CCDC60: variants seen among roughly 807,000 people sequenced by gnomAD.
The protein encoded by CCDC60 is coiled-coil domain containing 60.
Under a neutral mutation model 63.5 loss-of-function variants are expected in CCDC60, and 54 were observed. The observed-to-expected ratio is 0.85, with a 90% CI of 0.68 to 1.07. CCDC60 has a LOEUF of 1.07. Among genes scored for constraint, CCDC60 ranks in the 50% least tolerant of loss-of-function variants. The probability of loss-of-function intolerance (pLI) is 0.00; values close to 1 mark genes in which losing one functional copy is unlikely to be tolerated. For missense variants in CCDC60, 651 were observed against 684.3 expected, an observed-to-expected ratio of 0.95 and a Z score of 0.54; for synonymous variants, 206 against 238.8, an observed-to-expected ratio of 0.86 and a Z score of 1.27.
At chr12:119,405,542 A>G (rs1278478038) in intron 1 of CCDC60, among the ~76,000 whole-genome samples, 1 of 152,182 alleles carries the variant, frequency 6.6e-6, no homozygotes, top group Non-Finnish European at 1.5e-5. Flanking sequence ...AATGTAAAAC[A>G]TTCTCAGATT....
At position 119,456,430 on chromosome 12, in the gene CCDC60, A is replaced by C. The variant is rs1306646067; in HGVS notation, c.171-15564A>C. ...TTAACTGGATATGAAAGGGGTCAAA[A>C]GACACAAGTGTTACAGGACCCCAAC... On this transcript the variant is annotated intron_variant, in intron 2 of 13. Transcript: ENST00000327554. The surrounding 1 kb of genome is among the most constrained non-coding windows in gnomAD (Gnocchi z 4.6). 1.3e-5 allele frequency among the ~76,000 whole-genome samples: 2 copies of C among 152,198 alleles called. No individual in the cohort carries two copies. Among genetic ancestry groups the C allele is most frequent in the South Asian group, 2.1e-4 (1 of 4,834 alleles).
At chr12:119,418,046 T>G (rs1956734785) in intron 1 of CCDC60, among the ~76,000 whole-genome samples, 1 of 152,166 alleles carries the variant, frequency 6.6e-6, no homozygotes, top group African/African-American at 2.4e-5. Flanking sequence ...ACAGAAAGTT[T>G]GCAAAAATAG....
At chr12:119,471,935 T>A (rs1468169453) in intron 2 of CCDC60, 59 bp from the exon 3 acceptor site, 6 of 1,426,528 alleles carry the variant, frequency 4.2e-6, no homozygotes, top group Admixed American at 1.9e-5. Flanking sequence ...TCTTTCCTTC[T>A]CTCTCTCCAC....
intron 5 of CCDC60, among the ~76,000 whole-genome samples, chr12:119,498,708 T>C (rs973280434): frequency 6.6e-6 from 1 of 152,150 alleles, no homozygotes; most frequent in African/African-American, 2.4e-5. Context: ...GATATAAAAT[T>C]CTTTCTGCAA....
intron 4 of CCDC60, among the ~76,000 whole-genome samples, chr12:119,483,523 T>C (rs1276990851): frequency 6.6e-6 from 1 of 152,210 alleles, no homozygotes; most frequent in Non-Finnish European, 1.5e-5. Context: ...CTTTAATGAG[T>C]GATTGGGCAG....
chr12:119,372,206 G>A (rs1288486104), intron 1 of CCDC60, among the ~76,000 whole-genome samples: 1 of 152,132 alleles, frequency 6.6e-6, no homozygotes, highest in East Asian at 1.9e-4. Context: ...TTTGCAGTGA[G>A]CTGAGATCAC....
chr12:119,397,129 G>A (rs1341464759), intron 1 of CCDC60, among the ~76,000 whole-genome samples: 3 of 152,122 alleles, frequency 2.0e-5, no homozygotes, highest in Non-Finnish European at 1.5e-5. Flanking sequence ...TCATGCTCTC[G>A]CTGGCTTCAG....
intron 13 of CCDC60, among the ~76,000 whole-genome samples, chr12:119,537,259 T>C (rs555850965): frequency 6.6e-6 from 1 of 152,366 alleles, no homozygotes; most frequent in African/African-American, 2.4e-5. Context: ...TTCAGCTCCA[T>C]CAGGTCATTT....
At position 119,345,530 on chromosome 12, in the gene CCDC60, G is replaced by A. The variant is rs570856252; in HGVS notation, c.90+10264G>A. Among the ~76,000 whole-genome samples, 16 of 131,806 alleles carry A rather than the reference G, an allele frequency of 1.2e-4. No individual in the cohort carries two copies. In the East Asian group the frequency reaches 3.7e-3, roughly 31 times the overall value. The allele number at this position is 131,806 out of a possible 152,430, so 86.5% of individuals were successfully genotyped here. A position where few individuals can be genotyped will look rare whatever the true frequency, so the allele number is the denominator to read the frequency against. On this transcript the variant is annotated intron_variant, in intron 1 of 13. Transcript: ENST00000327554. ...AATAAATAAATAAATAAATAAATAA[G>A]AGAGAGACAGCAAATGGGGCCTGCA...
chr12:119,335,196 C>G lies in CCDC60; in HGVS notation c.20C>G (p.Thr7Ser), dbSNP rs1955457595. 1.2e-6 allele frequency: 2 copies of G among 1,606,898 alleles called. No homozygotes were observed. Among genetic ancestry groups the G allele is most frequent in the Non-Finnish European group, 1.7e-6 (2 of 1,177,202 alleles). ...TTTAAGATGACCAAGGTTCCAGCCA[C>G]CAAGAAGCTTCAGAGTTCCCCCAAC... MTKVPA[T>S]KKLQSSPNSG... Residue 7 changes from threonine (T) to serine (S), a missense_variant, in exon 1 of 14, where the codon ACC becomes AGC. Transcript: ENST00000327554.
At chr12:119,469,041 A>G (rs1179942038) in intron 2 of CCDC60, among the ~76,000 whole-genome samples, 2 of 152,184 alleles carry the variant, frequency 1.3e-5, no homozygotes, top group African/African-American at 4.8e-5. Context: ...TGTTCAAACC[A>G]AAAGGAAAAC....
At chr12:119,402,970 A>G (rs1163723758) in intron 1 of CCDC60, among the ~76,000 whole-genome samples, 1 of 152,234 alleles carries the variant, frequency 6.6e-6, no homozygotes, top group African/African-American at 2.4e-5. Flanking sequence ...GATTAACAAA[A>G]AGTCCACAAA....
chr12:119,417,243 T>C (rs1365419033), intron 1 of CCDC60, among the ~76,000 whole-genome samples: 1 of 152,188 alleles, frequency 6.6e-6, no homozygotes, highest in African/African-American at 2.4e-5. Context: ...ACATTTTTAT[T>C]GTTGTAACTT....
At chr12:119,520,081 GA>G in intron 8 of CCDC60, 39 bp from the exon 9 acceptor site, 29 of 1,582,168 alleles carry the variant, frequency 1.8e-5, no homozygotes, top group Non-Finnish European at 2.1e-5. Flanking sequence ...AAATCTTCAT[GA>G]ATTCAGCGCC....
At position 119,535,446 on chromosome 12, in the gene CCDC60, T is replaced by C. The variant is rs138164755; in HGVS notation, c.1551+4383T>C. Among the ~76,000 whole-genome samples the C allele has an allele frequency of 6.8e-3, 1,035 of 152,302 alleles. 9 individuals are homozygous for C. Among genetic ancestry groups the C allele is most frequent in the African/African-American group, 0.024 (977 of 41,572 alleles). The stretch of plus-strand genomic sequence containing the variant: ...CTGCTCTAATCTTAGTTATTTCTTG[T>C]CTTCTGCTAGTTTTGAATTTGTTTG... On this transcript the variant is annotated intron_variant, in intron 13 of 13. Coordinates refer to ENST00000327554, the MANE Select transcript of CCDC60 (RefSeq NM_178499.5).
intron 2 of CCDC60, among the ~76,000 whole-genome samples, chr12:119,435,274 T>TATC (rs1950303570): frequency 1.3e-5 from 2 of 152,306 alleles, no homozygotes; most frequent in African/African-American, 4.8e-5. Flanking sequence ...CTCTAGAATT[T>TATC]ATCAGTTGAA....
chr12:119,360,899 C>T (rs909207551), intron 1 of CCDC60, among the ~76,000 whole-genome samples: 4 of 152,230 alleles, frequency 2.6e-5, no homozygotes, highest in East Asian at 3.9e-4. Flanking sequence ...CTCGGGAGGC[C>T]GAGGCTGGCG....
chr12:119,491,169 A>G (rs1951573797), intron 5 of CCDC60, among the ~76,000 whole-genome samples: 1 of 152,208 alleles, frequency 6.6e-6, no homozygotes, highest in South Asian at 2.1e-4. Context: ...TGGTATACAC[A>G]GGTTTACACA....
chr12:119,521,968 T>C (rs1025644220), intron 9 of CCDC60, among the ~76,000 whole-genome samples: 3 of 152,206 alleles, frequency 2.0e-5, no homozygotes, highest in African/African-American at 4.8e-5. Context: ...TCTAGTCCTG[T>C]GAGCTTCTGG....
Sources: gnomAD v4.1 joint callset for allele counts (sites outside exome capture counted in the v4.1 genomes callset) on GRCh38, gnomAD v4.1.1 for gene constraint, Gnocchi (gnomAD v3.1) non-coding constraint, MANE v1.5 for transcripts, NCBI Gene and HGNC (gene_info 2026-07-23, HGNC 2026-07-21) for gene names.